CCDC171: variants seen among roughly 807,000 people sequenced by gnomAD.
The protein encoded by CCDC171 is coiled-coil domain containing 171, also known as coiled-coil domain-containing protein 171.
In CCDC171, 177 loss-of-function variants were observed where a neutral mutation model predicts 168.2. The observed-to-expected ratio is 1.05, with a 90% confidence interval of 0.93 to 1.19. The LOEUF (loss-of-function observed/expected upper bound fraction) is 1.19. Ranked by LOEUF, CCDC171 falls within the 50% of genes most tolerant of loss-of-function variation. The pLI is 0.00. For synonymous variants in CCDC171, 687 were observed against 540.8 expected (o/e 1.27, Z -3.75); for missense variants, 1,991 against 1,539.0 (o/e 1.29, Z -4.91).
downstream of CCDC171, among the ~76,000 whole-genome samples, chr9:16,062,600 A>T (rs538563118): frequency 1.3e-5 from 2 of 152,356 alleles, no homozygotes; most frequent in African/African-American, 4.8e-5. Context: ...TGACAAATTC[A>T]TTCATCCATT....
At chr9:15,620,185 A>T (rs914257612) in intron 6 of CCDC171, among the ~76,000 whole-genome samples, 1 of 152,200 alleles carries the variant, frequency 6.6e-6, no homozygotes, top group African/African-American at 2.4e-5. Context: ...TTGACTTTCA[A>T]GTCTTATTAC....
chr9:15,853,088 A>G (rs2061204275), intron 23 of CCDC171, among the ~76,000 whole-genome samples: 1 of 151,532 alleles, frequency 6.6e-6, no homozygotes, highest in African/African-American at 2.4e-5. Context: ...GAATTTTGGG[A>G]TCAGCTTGTC....
rs529437406 is a variant in CCDC171 at position 15,745,448 on chromosome 9, C to T, written c.2555-67C>T. 225 of 1,003,766 alleles carry T rather than the reference C, an allele frequency of 2.2e-4. 2 individuals carry two copies. The African/African-American group carries it at 2.6e-3, about 12-fold the overall frequency. The allele number at this position is 1,003,766 out of a possible 1,614,324, so 62.2% of individuals were successfully genotyped here. On this transcript the variant is annotated intron_variant, in intron 17 of 25. Coordinates refer to ENST00000380701, the MANE Select transcript of CCDC171 (RefSeq NM_173550.4). The stretch of plus-strand genomic sequence containing the variant: ...TTTCTTAAATAGCTGAACACTGCTA[C>T]GAATTTTAAATATAGATTTTAATAA...
intron 1 of CCDC171, among the ~76,000 whole-genome samples, chr9:16,059,739 C>T (rs1018129014): frequency 6.6e-6 from 1 of 150,664 alleles, no homozygotes; most frequent in African/African-American, 2.4e-5. Context: ...TGGTCTCGAT[C>T]GCCTGACCTC....
chr9:15,692,628 C>T (rs528582803), intron 10 of CCDC171, among the ~76,000 whole-genome samples: 2 of 150,854 alleles, frequency 1.3e-5, no homozygotes, highest in African/African-American at 4.9e-5. Flanking sequence ...CCTGGGTTCA[C>T]GCCATTCTCC....
rs1220775441 is a variant in CCDC171, at chr9:15,582,076, A to G, written c.352+3053A>G. On this transcript the variant is annotated intron_variant, in intron 4 of 25. Coordinates refer to ENST00000380701, the MANE Select transcript of CCDC171 (RefSeq NM_173550.4). ...CCAGAATCTACAAAGAACTTAAACA[A>G]ATTTACAAGAAAAAAACAATCTCAT... 2.0e-5 allele frequency among the ~76,000 whole-genome samples: 3 copies of G among 152,218 alleles called. No homozygotes were observed. In the South Asian group the frequency reaches 6.2e-4, roughly 32 times the overall value.
chr9:15,914,307 C>G (rs921252797), intron 24 of CCDC171, among the ~76,000 whole-genome samples: 6 of 152,202 alleles, frequency 3.9e-5, no homozygotes, highest in African/African-American at 1.4e-4. Flanking sequence ...ATAAGCCCCT[C>G]ACTGGGGCTG....
Position 15,972,936 on chromosome 9 carries a change from A to G in CCDC171, c.*1100A>G, listed in dbSNP as rs1246462553. On this transcript the variant is annotated 3_prime_UTR_variant, in exon 26 of 26. Transcript: ENST00000380701. ...AGCAGGAAGGAGCTGAGTTCTAACC[A>G]CAAAGAGGTTTCTGGTAACTTACTT... The G allele has an allele frequency of 6.6e-6, 1 of 152,132 alleles. No homozygotes were observed. Among genetic ancestry groups the G allele is most frequent in the African/African-American group, 2.4e-5 (1 of 41,438 alleles). 9.4% of individuals were successfully genotyped at this position (152,132 alleles called of 1,614,324 possible).
chr9:15,650,371 A>G (rs1336551359), intron 7 of CCDC171, among the ~76,000 whole-genome samples: 1 of 152,158 alleles, frequency 6.6e-6, no homozygotes, highest in Non-Finnish European at 1.5e-5. Flanking sequence ...CACGTTGTGC[A>G]TATGTACCCT....
At chr9:15,696,375 C>G (rs1385365653) in intron 11 of CCDC171, among the ~76,000 whole-genome samples, 1 of 152,108 alleles carries the variant, frequency 6.6e-6, no homozygotes, top group East Asian at 1.9e-4. Flanking sequence ...GTGTTTTTAG[C>G]TTTTATGAAA....
chr9:15,921,096 A>G (rs1825263788), intron 25 of CCDC171, among the ~76,000 whole-genome samples: 1 of 151,820 alleles, frequency 6.6e-6, no homozygotes, highest in Admixed American at 6.6e-5. Flanking sequence ...TAGATTCAGA[A>G]GGTTACCAAT....
intron 11 of CCDC171, among the ~76,000 whole-genome samples, chr9:15,702,484 T>C (rs572946743): frequency 6.6e-6 from 1 of 152,204 alleles, no homozygotes; most frequent in East Asian, 2.0e-4. Context: ...AGCATAATTC[T>C]TAAGGGCCCT....
chr9:15,795,197 C>T (rs1039099379), intron 21 of CCDC171, among the ~76,000 whole-genome samples: 1 of 152,132 alleles, frequency 6.6e-6, no homozygotes, highest in Non-Finnish European at 1.5e-5. Flanking sequence ...TGCTTGCATT[C>T]TCTGGGGGAA....
At chr9:15,884,476 A>G (rs1819125320) in intron 24 of CCDC171, among the ~76,000 whole-genome samples, 1 of 152,186 alleles carries the variant, frequency 6.6e-6, no homozygotes, top group Non-Finnish European at 1.5e-5. Context: ...GGCAACCATA[A>G]GTCTGTGCAA....
chr9:16,045,187 G>T (rs972781669), intron 1 of CCDC171, among the ~76,000 whole-genome samples: 5 of 152,204 alleles, frequency 3.3e-5, no homozygotes, highest in African/African-American at 1.2e-4. Context: ...CACACCCTGA[G>T]ACAATGATTT....
intron 24 of CCDC171, among the ~76,000 whole-genome samples, chr9:15,888,625 A>G (rs1353974452): frequency 1.3e-5 from 2 of 152,168 alleles, no homozygotes; most frequent in Admixed American, 1.3e-4. Flanking sequence ...AATTTAGTAG[A>G]ATTGTTTCGC....
intron 24 of CCDC171, among the ~76,000 whole-genome samples, chr9:15,904,397 C>G (rs1405375712): frequency 1.3e-5 from 2 of 152,026 alleles, no homozygotes; most frequent in Non-Finnish European, 2.9e-5. Flanking sequence ...AATTTTCAAC[C>G]CAGAATTTCT....
intron 11 of CCDC171, among the ~76,000 whole-genome samples, chr9:15,712,723 G>C (rs183168392): frequency 2.6e-5 from 4 of 152,266 alleles, no homozygotes; most frequent in African/African-American, 9.6e-5. Flanking sequence ...TCCTCCCAGA[G>C]GATGGTGTCA....
intron 9 of CCDC171, among the ~76,000 whole-genome samples, chr9:15,676,222 A>G (rs1267252601): frequency 6.6e-6 from 1 of 152,142 alleles, no homozygotes; most frequent in East Asian, 1.9e-4. Flanking sequence ...TTTCAGCTGC[A>G]TCAGGTCATT....
Sources: allele counts gnomAD v4.1 joint callset (sites outside exome capture counted in the v4.1 genomes callset), GRCh38; gene constraint gnomAD v4.1.1; transcripts MANE v1.5; gene names NCBI Gene and HGNC (gene_info 2026-07-23, HGNC 2026-07-21).